WAC: variants seen among roughly 807,000 people sequenced by gnomAD.
WAC encodes the protein WW domain containing adaptor with coiled-coil, also known as WW domain-containing adapter protein with coiled-coil.
Under a neutral mutation model 79.6 loss-of-function variants are expected in WAC, and 11 were observed. That is an observed-to-expected ratio of 0.14 (90% CI 0.09 to 0.23). The LOEUF (loss-of-function observed/expected upper bound fraction) is 0.23. Ranked by LOEUF, WAC falls within the 10% of genes least tolerant of loss-of-function variation. The pLI, the probability that WAC is intolerant of heterozygous loss-of-function variation, is 1.00. For synonymous variants in WAC, 304 were observed against 276.9 expected (o/e 1.10, Z -0.97); for missense variants, 728 against 773.5 (o/e 0.94, Z 0.70).
intron 3 of WAC, among the ~76,000 whole-genome samples, chr10:28,549,087 C>CA (rs1159355342): frequency 1.3e-5 from 2 of 152,162 alleles, no homozygotes; most frequent in Non-Finnish European, 2.9e-5. Flanking sequence ...TTTATAGAGA[C>CA]AGAGTTTTAC....
intron 3 of WAC, among the ~76,000 whole-genome samples, chr10:28,567,670 C>G (rs926637485): frequency 1.3e-5 from 2 of 152,164 alleles, no homozygotes; most frequent in Admixed American, 6.5e-5. Context: ...CCTCTTCTGC[C>G]TGCCATAAGT....
intron 12 of WAC, among the ~76,000 whole-genome samples, 157 bp from the exon 13 acceptor site, chr10:28,617,500 A>G (rs1055894866): frequency 1.3e-5 from 2 of 152,252 alleles, no homozygotes; most frequent in African/African-American, 4.8e-5. Flanking sequence ...CTTAAAACAA[A>G]TTAATTTTCC....
At chr10:28,534,472 A>T (rs1247373524) in intron 2 of WAC, 1 of 161,828 alleles carries the variant, frequency 6.2e-6, no homozygotes, top group Non-Finnish European at 1.3e-5. Context: ...CAAGTCGGTT[A>T]TAAAGTACTA....
chr10:28,569,163 C>T (rs1838809194), intron 3 of WAC, among the ~76,000 whole-genome samples: 1 of 152,124 alleles, frequency 6.6e-6, no homozygotes, highest in Non-Finnish European at 1.5e-5. Flanking sequence ...CTCACCTTTT[C>T]TAAGTGTTTT....
In WAC at chr10:28,603,977, A is replaced by G. The variant is rs1185405996; in HGVS notation, c.920-4209A>G. Among the ~76,000 whole-genome samples the G allele has an allele frequency of 5.8e-3, 475 of 81,508 alleles. 80 individuals are homozygous for G. The highest frequency in any genetic ancestry group is 0.024 in the African/African-American group (456 of 19,314). 53.5% of individuals were successfully genotyped at this position (81,508 alleles called of 152,430 possible). A position where few individuals can be genotyped will look rare whatever the true frequency, so the allele number is the denominator to read the frequency against. On this transcript the variant is annotated intron_variant, in intron 7 of 13. Transcript: ENST00000354911. ...TGTATGTATGTATATATATATATATATATATATATATGTATATATATATAT... is the reference window on the plus strand; with the variant it reads ...TGTATGTATGTATATATATATATATGTATATATATATGTATATATATATAT...
chr10:28,615,883 T>C (rs561070531), intron 11 of WAC: 14 of 265,212 alleles, frequency 5.3e-5, no homozygotes, highest in South Asian at 2.3e-4. Flanking sequence ...TTTTTAGTTA[T>C]ATTATTAGTG....
rs1299000821 is a variant in WAC at position 28,569,319 on chromosome 10, TCA to T, written c.275-14079_275-14078del. On this transcript the variant is annotated intron_variant, in intron 3 of 13. Transcript: ENST00000354911. ...AAATGATCATTATGCAAAAACTTTT[TCA>T]TATTAAGGAAACATTCATCTATTCC... is the stretch of plus-strand genomic sequence containing the variant. Among the ~76,000 whole-genome samples the T allele has an allele frequency of 9.2e-5, 14 of 152,352 alleles. No individual in the cohort carries two copies. In the East Asian group the frequency reaches 2.7e-3, roughly 29 times the overall value.
intron 3 of WAC, among the ~76,000 whole-genome samples, chr10:28,554,850 CT>C (rs2132446472): frequency 6.6e-6 from 1 of 152,236 alleles, no homozygotes; most frequent in Non-Finnish European, 1.5e-5. Context: ...CATGCTTTTT[CT>C]TTCTAGAATA....
intron 3 of WAC, among the ~76,000 whole-genome samples, chr10:28,558,525 ATTCTT>A (rs1838123208): frequency 1.3e-5 from 2 of 152,132 alleles, no homozygotes; most frequent in Admixed American, 1.3e-4. Flanking sequence ...TTTAATTTTA[ATTCTT>A]TTGAGTTATG....
intron 7 of WAC, among the ~76,000 whole-genome samples, chr10:28,607,498 C>T (rs562730533): frequency 1.4e-4 from 21 of 152,260 alleles, no homozygotes; most frequent in African/African-American, 4.8e-4. Flanking sequence ...GTATTTTATA[C>T]ATCCTTTATT....
intron 11 of WAC, chr10:28,615,266 T>C (rs1431718496): frequency 3.9e-5 from 6 of 152,234 alleles, no homozygotes; most frequent in African/African-American, 1.2e-4. Flanking sequence ...CTGTTTTTTA[T>C]TTCATGCTAT....
intron 3 of WAC, among the ~76,000 whole-genome samples, chr10:28,541,517 C>G (rs1837049769): frequency 6.7e-6 from 1 of 149,470 alleles, no homozygotes; most frequent in African/African-American, 2.5e-5. Context: ...TTGCAACCTC[C>G]ACCCCCTGGC....
In WAC at chr10:28,554,113, C is replaced by T. The variant is rs117378470; in HGVS notation, c.274+18356C>T. 7.2e-4 allele frequency among the ~76,000 whole-genome samples: 109 copies of T among 152,254 alleles called. 2 individuals are homozygous for T. In the East Asian group the frequency reaches 0.02, roughly 29 times the overall value. ...GAACTCCTGACCTCAAGTGATCTGC[C>T]CGCCTCTTCCTCCCACAGTGCTGGG... On this transcript the variant is annotated intron_variant, in intron 3 of 13. Coordinates refer to ENST00000354911, the MANE Select transcript of WAC (RefSeq NM_016628.5).
At chr10:28,598,311 G>C (rs1326746695) in intron 7 of WAC, among the ~76,000 whole-genome samples, 1 of 152,152 alleles carries the variant, frequency 6.6e-6, no homozygotes. Context: ...TAATTCATCT[G>C]TTGCAAACTT....
chr10:28,605,265 G>A (rs2132781238), intron 7 of WAC, among the ~76,000 whole-genome samples: 1 of 152,288 alleles, frequency 6.6e-6, no homozygotes, highest in South Asian at 2.1e-4. Context: ...AGGTTCTCCA[G>A]TCTATTTTTG....
intron 7 of WAC, among the ~76,000 whole-genome samples, chr10:28,606,142 C>T (rs1489214691): frequency 6.6e-6 from 1 of 151,962 alleles, no homozygotes; most frequent in Non-Finnish European, 1.5e-5. Flanking sequence ...GCCACGACTT[C>T]GTGGCTCAGG....
intron 4 of WAC, chr10:28,589,308 A>T (rs1326238828): frequency 6.6e-6 from 1 of 152,458 alleles, no homozygotes; most frequent in Non-Finnish European, 1.5e-5. Context: ...AATACAGGCA[A>T]GATTGTTCTC....
At chr10:28,604,802 A>G (rs1225877929) in intron 7 of WAC, among the ~76,000 whole-genome samples, 4 of 152,216 alleles carry the variant, frequency 2.6e-5, no homozygotes, top group Admixed American at 2.0e-4. Context: ...ATGTTATGTA[A>G]TAGAAGATAC....
Position 28,583,480 on chromosome 10 carries a change from A to G in WAC, c.356A>G (p.Asn119Ser), listed in dbSNP as rs189481716. Residue 119 changes from asparagine (N) to serine (S), a missense_variant, in exon 4 of 14, where the codon AAT (asparagine) becomes AGT (serine). Asn to Ser is a conservative substitution (Grantham distance 46). Coordinates refer to ENST00000354911, the MANE Select transcript of WAC (RefSeq NM_016628.5). ...SSNSHSSNPS[N>S]NPSKTSDAPY... ...AATTCACATTCTTCTAATCCAAGCAATAACCCAAGCAAAACTTCAGATGCA... is the reference window on the plus strand; with the variant it reads ...AATTCACATTCTTCTAATCCAAGCAGTAACCCAAGCAAAACTTCAGATGCA... 9 of 1,586,460 alleles carry G rather than the reference A, an allele frequency of 5.7e-6. No individual in the cohort carries two copies. The Admixed American group carries it at 1.3e-4, about 22-fold the overall frequency.
Sources: gnomAD v4.1 joint callset for allele counts (sites outside exome capture counted in the v4.1 genomes callset) on GRCh38, gnomAD v4.1.1 for gene constraint, MANE v1.5 for transcripts, NCBI Gene and HGNC (gene_info 2026-07-23, HGNC 2026-07-21) for gene names.